BTRC: variants seen among roughly 807,000 people sequenced by gnomAD.
BTRC encodes the protein F-box/WD repeat-containing protein 1A.
A neutral mutation model predicts 85.5 loss-of-function variants in BTRC; 42 were observed. The observed-to-expected ratio is 0.49, with a 90% CI of 0.38 to 0.64. The LOEUF is 0.64. BTRC is among the 30% of genes least tolerant of loss of function. The pLI is 0.00. For synonymous variants in BTRC, 255 were observed against 263.3 expected (o/e 0.97, Z 0.30); for missense variants, 594 against 743.5 (o/e 0.80, Z 2.34).
intron 1 of BTRC, among the ~76,000 whole-genome samples, chr10:101,406,917 G>T (rs1338589608): frequency 1.3e-5 from 2 of 152,180 alleles, no homozygotes; most frequent in Non-Finnish European, 2.9e-5. Context: ...ATAGATAATT[G>T]TGTCGGTTTT....
intron 4 of BTRC, among the ~76,000 whole-genome samples, chr10:101,505,785 G>T (rs539211839): frequency 5.4e-4 from 82 of 151,950 alleles, no homozygotes; most frequent in Middle Eastern, 3.4e-3. Context: ...GCTATTTTTA[G>T]AAAATGAATT....
chr10:101,472,708 G>C (rs1945565860), intron 3 of BTRC, among the ~76,000 whole-genome samples: 1 of 152,148 alleles, frequency 6.6e-6, no homozygotes, highest in South Asian at 2.1e-4. Flanking sequence ...CCAGCTACTT[G>C]GGAGGCTGAG....
intron 6 of BTRC, among the ~76,000 whole-genome samples, chr10:101,529,620 T>G (rs2062250669): frequency 6.6e-6 from 1 of 152,188 alleles, no homozygotes; most frequent in African/African-American, 2.4e-5. Context: ...TTTATGCTGG[T>G]GTATCATGTT....
chr10:101,465,856 C>T (rs1945358865), intron 3 of BTRC, among the ~76,000 whole-genome samples: 1 of 152,070 alleles, frequency 6.6e-6, no homozygotes. Context: ...AGCAGTGTAT[C>T]CTTGTAAAGA....
At chr10:101,518,426 A>G (rs1439724194) in intron 4 of BTRC, among the ~76,000 whole-genome samples, 1 of 152,162 alleles carries the variant, frequency 6.6e-6, no homozygotes, top group Non-Finnish European at 1.5e-5. Flanking sequence ...CGCTCTAAGG[A>G]GTAAGCAGAA....
intron 2 of BTRC, among the ~76,000 whole-genome samples, chr10:101,445,309 A>G (rs1944792468): frequency 6.6e-6 from 1 of 152,196 alleles, no homozygotes; most frequent in African/African-American, 2.4e-5. Flanking sequence ...GGTCACATGC[A>G]TACAGGTAAG....
rs187631186 is a variant in BTRC at position 101,493,330 on chromosome 10, T to G, written c.324+13873T>G. Among the ~76,000 whole-genome samples the G allele has an allele frequency of 1.2e-3, 179 of 152,376 alleles. 2 individuals carry two copies. The highest frequency in any genetic ancestry group is 2.0e-3 in the Non-Finnish European group (136 of 68,028). Reference sequence around the variant, plus strand: ...ACAGGTATTTATTGAATGTTTATGATGTACTAGGCATATACATTTTCACTG... The same window carrying G: ...ACAGGTATTTATTGAATGTTTATGAGGTACTAGGCATATACATTTTCACTG... On this transcript the variant is annotated intron_variant, in intron 4 of 14. Coordinates refer to ENST00000370187, the MANE Select transcript of BTRC (RefSeq NM_033637.4).
intron 1 of BTRC, among the ~76,000 whole-genome samples, chr10:101,374,829 T>G (rs1437456783): frequency 6.6e-6 from 1 of 151,874 alleles, no homozygotes; most frequent in Non-Finnish European, 1.5e-5. Flanking sequence ...AAAAGTAGGC[T>G]GAACTGAAGA....
At chr10:101,474,576 T>C (rs1279125528) in intron 3 of BTRC, among the ~76,000 whole-genome samples, 2 of 152,238 alleles carry the variant, frequency 1.3e-5, no homozygotes, top group Non-Finnish European at 2.9e-5. Flanking sequence ...GGAATTTATA[T>C]GTAATTTTTT....
In BTRC at chr10:101,412,130, G is replaced by A. The variant is rs1451506802; in HGVS notation, c.49-18215G>A. 2.0e-5 allele frequency among the ~76,000 whole-genome samples: 3 copies of A among 152,162 alleles called. No individual in the cohort carries two copies. The East Asian group carries it at 5.8e-4, about 29-fold the overall frequency. Reference sequence around the variant, plus strand: ...GCTTATAGTTCTGTTGTAGTTTTTTGCCTAGTGTTGTGGAATTTCACTGTA... The same window carrying A: ...GCTTATAGTTCTGTTGTAGTTTTTTACCTAGTGTTGTGGAATTTCACTGTA... On this transcript the variant is annotated intron_variant, in intron 1 of 14. Coordinates refer to ENST00000370187, the MANE Select transcript of BTRC (RefSeq NM_033637.4).
intron 1 of BTRC, among the ~76,000 whole-genome samples, chr10:101,377,539 T>G (rs1334108397): frequency 1.3e-5 from 2 of 152,196 alleles, no homozygotes; most frequent in South Asian, 2.1e-4. Context: ...TGTCAGCATT[T>G]GGGATTATCA....
intron 5 of BTRC, among the ~76,000 whole-genome samples, chr10:101,522,560 A>G (rs1465077271): frequency 2.6e-5 from 4 of 151,118 alleles, no homozygotes; most frequent in African/African-American, 4.9e-5. Flanking sequence ...AGCTGGGACT[A>G]CAGGCACCTA....
chr10:101,445,028 A>G (rs886724151), intron 2 of BTRC, among the ~76,000 whole-genome samples: 4 of 152,230 alleles, frequency 2.6e-5, no homozygotes, highest in African/African-American at 7.2e-5. Context: ...AATTGTGGTT[A>G]CAAATTTCTG....
intron 2 of BTRC, among the ~76,000 whole-genome samples, chr10:101,436,080 G>T (rs972876285): frequency 6.6e-6 from 1 of 152,072 alleles, no homozygotes; most frequent in Non-Finnish European, 1.5e-5. Flanking sequence ...ATTCTATGGG[G>T]ATATGTTTAG....
chr10:101,481,538 G>A (rs1190046623), intron 4 of BTRC, among the ~76,000 whole-genome samples: 1 of 151,168 alleles, frequency 6.6e-6, no homozygotes, highest in Non-Finnish European at 1.5e-5. Context: ...AAATAGGTTG[G>A]TGTGTGTCTA....
intron 6 of BTRC, among the ~76,000 whole-genome samples, chr10:101,530,916 G>A (rs1002450244): frequency 1.3e-5 from 2 of 152,222 alleles, no homozygotes; most frequent in Non-Finnish European, 2.9e-5. Flanking sequence ...GCTCACGCCT[G>A]TAATCCCAGC....
intron 1 of BTRC, among the ~76,000 whole-genome samples, chr10:101,426,887 A>G (rs998416377): frequency 6.6e-6 from 1 of 152,168 alleles, no homozygotes; most frequent in African/African-American, 2.4e-5. Flanking sequence ...GAAGGGAAGC[A>G]GGAGAAGCGA....
At chr10:101,519,339 C>T (rs1027060852) in intron 4 of BTRC, among the ~76,000 whole-genome samples, 1 of 152,086 alleles carries the variant, frequency 6.6e-6, no homozygotes, top group African/African-American at 2.4e-5. Context: ...CTCATCCTCC[C>T]AAAGTGCTGG....
chr10:101,373,121 GT>G (rs1441327238), intron 1 of BTRC, among the ~76,000 whole-genome samples: 1 of 152,182 alleles, frequency 6.6e-6, no homozygotes, highest in Non-Finnish European at 1.5e-5. Context: ...AATCCTCTTT[GT>G]TGCTGATAGT....
Sources: allele counts gnomAD v4.1 joint callset (sites outside exome capture counted in the v4.1 genomes callset), GRCh38; gene constraint gnomAD v4.1.1; transcripts MANE v1.5; gene names NCBI Gene and HGNC (gene_info 2026-07-23, HGNC 2026-07-21).